The following KCNK9 variants were observed in gnomAD, a reference collection of about 807,000 sequenced individuals.
The protein encoded by KCNK9 is potassium channel subfamily K member 9.
In KCNK9, 1 loss-of-function variant was observed where a neutral mutation model predicts 10.8. That is an observed-to-expected ratio of 0.09 (90% CI 0.03 to 0.44). The LOEUF is 0.44. KCNK9 is among the 20% of genes least tolerant of loss of function. The pLI, the probability that KCNK9 is intolerant of heterozygous loss-of-function variation, is 0.97. For synonymous variants in KCNK9, 231 were observed against 222.7 expected (o/e 1.04, Z -0.33); for missense variants, 303 against 515.0 (o/e 0.59, Z 3.98).
At chr8:139,667,247 C>G (rs1816324066) in intron 1 of KCNK9, among the ~76,000 whole-genome samples, 1 of 152,242 alleles carries the variant, frequency 6.6e-6, no homozygotes, top group Non-Finnish European at 1.5e-5. Context: ...GGCCTTAGCT[C>G]CATCCTTGCC....
intron 1 of KCNK9, among the ~76,000 whole-genome samples, chr8:139,635,765 C>G (rs117934344): frequency 7.6e-4 from 115 of 152,264 alleles, no homozygotes; most frequent in Admixed American, 2.0e-3. Context: ...ACAACCCCCC[C>G]ACTCAGGAGG....
At chr8:139,619,757 C>T (rs1314308333) in intron 1 of KCNK9, among the ~76,000 whole-genome samples, 1 of 152,184 alleles carries the variant, frequency 6.6e-6, no homozygotes, top group East Asian at 1.9e-4. Flanking sequence ...GAATGAGGCT[C>T]AAAAGCAGAG....
At chr8:139,655,463 G>A (rs571244829) in intron 1 of KCNK9, among the ~76,000 whole-genome samples, 1 of 152,156 alleles carries the variant, frequency 6.6e-6, no homozygotes, top group East Asian at 1.9e-4. Flanking sequence ...AGGTGGGGCT[G>A]GGGGAGGAAG....
At chr8:139,651,796 C>T (rs1483835466) in intron 1 of KCNK9, among the ~76,000 whole-genome samples, 1 of 152,172 alleles carries the variant, frequency 6.6e-6, no homozygotes, top group African/African-American at 2.4e-5. Flanking sequence ...CCAATATCGC[C>T]GACACAATTA....
In KCNK9 at chr8:139,639,106, T is replaced by C. The variant is rs73724472; in HGVS notation, c.284-20007A>G. 7.9e-3 allele frequency among the ~76,000 whole-genome samples: 1,190 copies of C among 151,044 alleles called. 12 individuals are homozygous for C. The highest frequency in any genetic ancestry group is 0.028 in the African/African-American group (1,154 of 41,298). On this transcript the variant is annotated intron_variant, in intron 1 of 1. Transcript: ENST00000520439. ...CAGTCACTCCTGCGCCGCCCCTTCC[T>C]GCAGTCTCTGCCACCTCTGACAGAT...
At chr8:139,629,712 C>T (rs557605964) in intron 1 of KCNK9, among the ~76,000 whole-genome samples, 6 of 152,144 alleles carry the variant, frequency 3.9e-5, no homozygotes, top group South Asian at 2.1e-4. Flanking sequence ...GGGGGCTCTC[C>T]GGGGCTTTGA....
chr8:139,675,718 C>G (rs762772165), intron 1 of KCNK9, among the ~76,000 whole-genome samples: 2 of 152,006 alleles, frequency 1.3e-5, no homozygotes, highest in East Asian at 1.9e-4. Context: ...GCTGACCCCC[C>G]GCCTAGAGAG....
chr8:139,663,191 G>A (rs998969431), intron 1 of KCNK9, among the ~76,000 whole-genome samples: 11 of 152,070 alleles, frequency 7.2e-5, no homozygotes, highest in African/African-American at 1.4e-4. Flanking sequence ...ATGTGCACAC[G>A]CCCCACATAC....
At chr8:139,699,802 C>A in intron 1 of KCNK9, among the ~76,000 whole-genome samples, 1 of 152,214 alleles carries the variant, frequency 6.6e-6, no homozygotes, top group East Asian at 1.9e-4. Context: ...TTTTAAAAAT[C>A]CATTTCACAG....
At chr8:139,603,536 A>T (rs865786213) in intron 2 of KCNK9, among the ~76,000 whole-genome samples, 4 of 152,240 alleles carry the variant, frequency 2.6e-5, no homozygotes, top group Non-Finnish European at 4.4e-5. Flanking sequence ...CAAATTCCTT[A>T]CTTGGTTGTT....
At chr8:139,602,436 A>C (rs1198173387) in intron 2 of KCNK9, among the ~76,000 whole-genome samples, 2 of 152,106 alleles carry the variant, frequency 1.3e-5, no homozygotes, top group Admixed American at 6.5e-5. Flanking sequence ...CACAAAAGGG[A>C]CTTAGAACGC....
At chr8:139,668,080 T>C (rs1816342380) in intron 1 of KCNK9, among the ~76,000 whole-genome samples, 1 of 152,210 alleles carries the variant, frequency 6.6e-6, no homozygotes, top group African/African-American at 2.4e-5. Context: ...CATCATGTGC[T>C]CACTTCATGT....
rs1428455896 is a variant in KCNK9 at position 139,687,359 on chromosome 8, C to CATATATATGTGTATACATATATATGA, written c.283+15325_283+15350dup. Reference sequence around the variant, plus strand: ...TTTCATACATATATATATATGTATACATATATATGTGTATACATATATATG... The same window carrying CATATATATGTGTATACATATATATGA: ...TTTCATACATATATATATATGTATACATATATATGTGTATACATATATATGAATATATATGTGTATACATATATATG... On this transcript the variant is annotated intron_variant, in intron 1 of 1. Transcript: ENST00000520439. Among the ~76,000 whole-genome samples, 56 of 144,112 alleles carry CATATATATGTGTATACATATATATGA rather than the reference C, an allele frequency of 3.9e-4. 2 individuals carry two copies. Among genetic ancestry groups the CATATATATGTGTATACATATATATGA allele is most frequent in the Non-Finnish European group, 5.3e-4 (35 of 66,160 alleles). 94.5% of individuals were successfully genotyped at this position (144,112 alleles called of 152,430 possible). A position where few individuals can be genotyped will look rare whatever the true frequency, so the allele number is the denominator to read the frequency against.
chr8:139,649,434 G>T (rs1465560345), intron 1 of KCNK9, among the ~76,000 whole-genome samples: 1 of 152,142 alleles, frequency 6.6e-6, no homozygotes, highest in African/African-American at 2.4e-5. Flanking sequence ...AGAATCATCG[G>T]GTTGGGTTAA....
downstream of KCNK9, among the ~76,000 whole-genome samples, chr8:139,610,476 C>T (rs1306461355): frequency 6.6e-6 from 1 of 152,142 alleles, no homozygotes; most frequent in Admixed American, 6.5e-5. Flanking sequence ...TTGGTAAAAC[C>T]AGCAGAAGAT....
chr8:139,640,051 T>C (rs578155620), intron 1 of KCNK9, among the ~76,000 whole-genome samples: 2 of 152,132 alleles, frequency 1.3e-5, no homozygotes, highest in South Asian at 4.2e-4. Context: ...AGCCAATACC[T>C]GCTTCATACC....
intron 1 of KCNK9, among the ~76,000 whole-genome samples, chr8:139,681,315 G>A (rs999476594): frequency 1.3e-5 from 2 of 152,308 alleles, no homozygotes; most frequent in Non-Finnish European, 2.9e-5. Context: ...ACCGCCCACC[G>A]AAGTTCACCA....
At chr8:139,653,185 G>A (rs549397707) in intron 1 of KCNK9, among the ~76,000 whole-genome samples, 1 of 152,260 alleles carries the variant, frequency 6.6e-6, no homozygotes, top group Admixed American at 6.5e-5. Context: ...GTCAGCCTCT[G>A]GTTCCAGACT....
intron 1 of KCNK9, among the ~76,000 whole-genome samples, chr8:139,687,561 T>TACACATATATTCATATATATGTATAC (rs1438512726): frequency 1.8e-4 from 18 of 98,316 alleles, no homozygotes; most frequent in Non-Finnish European, 2.9e-4. Context: ...TATATATGTA[T>TACACATATATTCATATATATGTATAC]ACATATATTC....
Sources: allele counts gnomAD v4.1 joint callset (sites outside exome capture counted in the v4.1 genomes callset), GRCh38; gene constraint gnomAD v4.1.1; transcripts MANE v1.5; gene names NCBI Gene and HGNC (gene_info 2026-07-23, HGNC 2026-07-21).